Variants in ARID4A observed in about 807,000 individuals in gnomAD.
ARID4A encodes AT-rich interactive domain-containing protein 4A.
A neutral mutation model predicts 148.6 loss-of-function variants in ARID4A; 39 were observed. The ratio of observed to expected loss-of-function variants is 0.26; its 90% CI spans 0.20 to 0.34. The LOEUF is 0.34. Ranked by LOEUF, ARID4A falls within the 10% of genes least tolerant of loss-of-function variation. The probability of loss-of-function intolerance (pLI) is 1.00; values close to 1 mark genes in which losing one functional copy is unlikely to be tolerated. For synonymous variants in ARID4A, 475 were observed against 481.2 expected, an observed-to-expected ratio of 0.99 and a Z score of 0.17; for missense variants, 1,265 against 1,449.1, an observed-to-expected ratio of 0.87 and a Z score of 2.06.
At chr14:58,341,185 C>T (rs2034102503) in intron 11 of ARID4A, among the ~76,000 whole-genome samples, 1 of 152,196 alleles carries the variant, frequency 6.6e-6, no homozygotes, top group Non-Finnish European at 1.5e-5. Context: ...GTTATAATGG[C>T]TTCCTTTTCC....
chr14:58,351,641 G>A (rs1409981474), intron 16 of ARID4A: 6 of 219,516 alleles, frequency 2.7e-5, no homozygotes, highest in Non-Finnish European at 5.4e-5. Flanking sequence ...GTGGACAAGA[G>A]GAAACAGCGA....
chr14:58,312,122 G>A (rs1474056180), intron 5 of ARID4A, among the ~76,000 whole-genome samples: 1 of 151,992 alleles, frequency 6.6e-6, no homozygotes, highest in East Asian at 1.9e-4. Context: ...AGCCTGTGAA[G>A]TGATCCACAT....
chr14:58,331,218 C>T (rs1054752653), intron 11 of ARID4A: 2 of 152,138 alleles, frequency 1.3e-5, no homozygotes, highest in African/African-American at 2.4e-5. Flanking sequence ...GCCATAGTAA[C>T]GTGCTGTTGG....
In ARID4A at chr14:58,346,524, T is replaced by A. The variant is rs1427565472; in HGVS notation, c.1074+19T>A. 6.5e-7 allele frequency: 1 copy of A among 1,537,752 alleles called. No individual in the cohort carries two copies. The highest frequency in any genetic ancestry group is 9.0e-7 in the Non-Finnish European group (1 of 1,115,364). On this transcript the variant is annotated intron_variant, in intron 13 of 23. Transcript: ENST00000355431. Reference sequence around the variant, plus strand: ...TGACAATGTAAGTATAACATTGCTTTTTGAAACATGTATTGATGTGGTAAA... The same window carrying A: ...TGACAATGTAAGTATAACATTGCTTATTGAAACATGTATTGATGTGGTAAA...
intron 16 of ARID4A, among the ~76,000 whole-genome samples, chr14:58,352,972 G>A (rs2034705424): frequency 6.6e-6 from 1 of 152,094 alleles, no homozygotes; most frequent in Admixed American, 6.5e-5. Context: ...TTGTTCTTGT[G>A]GTGGTATCCT....
chr14:58,320,866 CA>C lies in ARID4A; in HGVS notation c.449+2064del, dbSNP rs1594891989. Among the ~76,000 whole-genome samples, 4 of 152,274 alleles carry C rather than the reference CA, an allele frequency of 2.6e-5. No homozygotes were observed. In the East Asian group the frequency reaches 7.7e-4, roughly 29 times the overall value. On this transcript the variant is annotated intron_variant, in intron 7 of 23. Transcript: ENST00000355431. Reference sequence around the variant, plus strand: ...TCGTGATCTGCCCGCCTCGGCCTCCCAAAGTGTTGGGATTACAGGCATGAGC... The same window carrying C: ...TCGTGATCTGCCCGCCTCGGCCTCCCAAGTGTTGGGATTACAGGCATGAGC...
intron 5 of ARID4A, among the ~76,000 whole-genome samples, chr14:58,315,343 T>C (rs1013628305): frequency 1.3e-5 from 2 of 152,168 alleles, no homozygotes; most frequent in Admixed American, 1.3e-4. Context: ...TTTTGAATTG[T>C]TGAAATTCAA....
chr14:58,350,175 G>T (rs1463765799), intron 15 of ARID4A, among the ~76,000 whole-genome samples: 1 of 104,792 alleles, frequency 9.5e-6, no homozygotes, highest in African/African-American at 3.7e-5. Context: ...TGAGGAGATG[G>T]AAGTGCCATC....
At chr14:58,351,033 A>G in intron 15 of ARID4A, 40 bp from the exon 16 acceptor site, 5 of 1,550,460 alleles carry the variant, frequency 3.2e-6, no homozygotes, top group Non-Finnish European at 4.3e-6. Context: ...TTTCCCCTTT[A>G]TAGTGATAGC....
chr14:58,317,971 TAA>T (rs74944621), intron 5 of ARID4A, among the ~76,000 whole-genome samples: 7 of 142,724 alleles, frequency 4.9e-5, no homozygotes, highest in South Asian at 2.2e-4. Context: ...CTGTCTTTAT[TAA>T]AAAAAAAAAA....
chr14:58,323,703 A>AT, intron 8 of ARID4A, 86 bp downstream of exon 8: 2 of 1,289,052 alleles, frequency 1.6e-6, no homozygotes, highest in Non-Finnish European at 2.2e-6. Context: ...AAATATTTTG[A>AT]AAGTATTAAA....
At chr14:58,348,618 T>C (rs914836032) in intron 15 of ARID4A, among the ~76,000 whole-genome samples, 2 of 152,220 alleles carry the variant, frequency 1.3e-5, no homozygotes, top group African/African-American at 2.4e-5. Context: ...TGTTACATAG[T>C]AGGATTTATC....
chr14:58,337,857 C>T (rs548484948), intron 11 of ARID4A, among the ~76,000 whole-genome samples: 1 of 152,144 alleles, frequency 6.6e-6, no homozygotes, highest in African/African-American at 2.4e-5. Context: ...TGATGGTAAC[C>T]CTTTATTGGC....
rs139089544 is a variant in ARID4A at position 58,361,023 on chromosome 14, A to C, written c.2061A>C (p.Ala687=). 88 of 1,613,906 alleles carry C rather than the reference A, an allele frequency of 5.5e-5. No homozygotes were observed. In the African/African-American group the frequency reaches 1.1e-3, roughly 20 times the overall value. The change falls in exon 19 of 24, where the codon GCA becomes GCC. Residue 687 remains alanine (A), a synonymous_variant. Transcript: ENST00000355431. ...TGCCGTATGGCTTATCTAAGACAGC[A>C]AACAGTGAAGGAAAATCAGGTACCA... ...SNMPYGLSKT[A]NSEGKSDSCS...
chr14:58,366,194 T>A lies in ARID4A; in HGVS notation c.3487T>A (p.Ser1163Thr). Residue 1163 changes from serine to threonine, a missense_variant, in exon 22 of 24, where the codon TCA becomes ACA. Physicochemically the swap from Ser to Thr is moderately conservative, Grantham distance 58. Around this residue, in one of 9 missense-constraint regions of ARID4A, gnomAD observed 666 missense variants for 730.9 expected, o/e 0.91. Coordinates refer to ENST00000355431, the MANE Select transcript of ARID4A (RefSeq NM_002892.4). ...TAAACACAGAGAAAAACATCCGAAT[T>A]CATCCCCTAGGACATATAAATGGAG... Reference protein sequence around the residue: ...KDKHREKHPNSSPRTYKWSFQ... With the variant: ...KDKHREKHPNTSPRTYKWSFQ... The A allele has an allele frequency of 3.1e-6, 5 of 1,613,900 alleles. No individual in the cohort carries two copies. The highest frequency in any genetic ancestry group is 4.2e-6 in the Non-Finnish European group (5 of 1,179,830).
chr14:58,299,875 C>T lies in ARID4A; in HGVS notation c.6+15C>T, dbSNP rs894195706. 1.2e-6 allele frequency: 2 copies of T among 1,614,106 alleles called. No individual in the cohort carries two copies. Among genetic ancestry groups the T allele is most frequent in the Admixed American group, 1.7e-5 (1 of 60,016 alleles). On this transcript the variant is annotated intron_variant, in intron 2 of 23. Transcript: ENST00000355431. ...CAAAAATGAAGGTAAGTGGAGTCAA[C>T]TCTGCCCCGATCCTCGCGCCCTGAA...
At chr14:58,367,530 C>A (rs571588135) in intron 23 of ARID4A, among the ~76,000 whole-genome samples, 1 of 152,340 alleles carries the variant, frequency 6.6e-6, no homozygotes, top group South Asian at 2.1e-4. Context: ...GAGTTAGATA[C>A]AGACTTTCTT....
Position 58,364,299 on chromosome 14 carries a change from C to T in ARID4A, c.2210C>T (p.Pro737Leu). 1 of 1,551,736 alleles carries T rather than the reference C, an allele frequency of 6.4e-7. No homozygotes were observed. Among genetic ancestry groups the T allele is most frequent in the Non-Finnish European group, 8.6e-7 (1 of 1,158,786 alleles). The change falls in exon 20 of 24, where the codon CCA becomes CTA. Residue 737 changes from proline (P) to leucine (L), a missense_variant. This residue lies in a region of ARID4A where 666 missense variants were observed against 730.9 expected (regional missense o/e 0.91). Transcript: ENST00000355431. ...LNDDKLDEENPKISAHILKEN... is the reference protein window; with the variant it reads ...LNDDKLDEENLKISAHILKEN... ...GATGATAAGCTAGATGAAGAAAATC[C>T]AAAGATTTCTGCACATATATTAAAA...
intron 1 of ARID4A, chr14:58,299,401 G>A (rs1431128669): frequency 6.2e-6 from 1 of 160,290 alleles, no homozygotes; most frequent in Admixed American, 6.5e-5. Flanking sequence ...GCGGAGGCGG[G>A]GCGCGGGCCG....
Sources: gnomAD v4.1 joint callset for allele counts (sites outside exome capture counted in the v4.1 genomes callset) on GRCh38, gnomAD v4.1.1 for gene constraint, gnomAD v4.1.1 regional missense constraint, MANE v1.5 for transcripts, NCBI Gene and HGNC (gene_info 2026-07-23, HGNC 2026-07-21) for gene names.